COL4A6: variants seen among roughly 807,000 people sequenced by gnomAD.
The protein encoded by COL4A6 is collagen alpha-6(IV) chain.
Under a neutral mutation model 126.7 loss-of-function variants are expected in COL4A6, and 59 were observed. That is an observed-to-expected ratio of 0.47 (90% confidence interval 0.38 to 0.58). The LOEUF (loss-of-function observed/expected upper bound fraction) is 0.58, where lower values mean the gene tolerates loss of function less well. Ranked by LOEUF, COL4A6 falls within the 20% of genes least tolerant of loss-of-function variation. The pLI is 0.00. For synonymous variants in COL4A6, 547 were observed against 496.6 expected (o/e 1.10, Z -1.35); for missense variants, 1,285 against 1,337.3 (o/e 0.96, Z 0.61).
chrX:108,366,239 C>T (rs2040195836), intron 2 of COL4A6, among the ~76,000 whole-genome samples: 1 of 111,603 alleles, frequency 9.0e-6, no homozygotes, highest in East Asian at 2.8e-4. Flanking sequence ...CCCCATTTTA[C>T]ACGATGAGGA....
intron 3 of COL4A6, among the ~76,000 whole-genome samples, chrX:108,298,630 A>G (rs1305171600): frequency 9.1e-6 from 1 of 110,350 alleles, no homozygotes; most frequent in African/African-American, 3.3e-5. Flanking sequence ...CCAGGGCGGG[A>G]TCAGGTTCCC....
At chrX:108,354,722 T>A (rs756408582) in intron 2 of COL4A6, among the ~76,000 whole-genome samples, 1 of 108,844 alleles carries the variant, frequency 9.2e-6, no homozygotes, top group East Asian at 2.9e-4. Context: ...CTGAACAGAG[T>A]TCTGAGATTA....
intron 2 of COL4A6, among the ~76,000 whole-genome samples, chrX:108,384,233 A>C (rs2040634350): frequency 9.0e-6 from 1 of 111,281 alleles, no homozygotes; most frequent in Admixed American, 9.6e-5. Context: ...CTATCTCCTC[A>C]TTCTTCTGGC....
chrX:108,433,664 T>C (rs2147406849), intron 2 of COL4A6, among the ~76,000 whole-genome samples: 1 of 110,780 alleles, frequency 9.0e-6, no homozygotes, highest in African/African-American at 3.3e-5. Flanking sequence ...GATAGGACTA[T>C]AGGCGTGCAC....
At position 108,160,527 on chromosome X, in the gene COL4A6, C is replaced by G; in HGVS notation, c.4461G>C (p.Gln1487His). ...QVPPCPIGMS[Q>H]LWVGYSLLFV... ...ACAGTAAGCTGTACCCCACCCACAGCTGGCTCATCCCGATGGGACACGGGG... is the reference window on the plus strand; with the variant it reads ...ACAGTAAGCTGTACCCCACCCACAGGTGGCTCATCCCGATGGGACACGGGG... The change falls in exon 43 of 45, where the codon CAG (glutamine) becomes CAC (histidine). Residue 1487 changes from glutamine (Q) to histidine (H), a missense_variant. Transcript: ENST00000334504. 2 of 1,211,263 alleles carry G rather than the reference C, an allele frequency of 1.7e-6. No homozygotes were observed. The highest frequency in any genetic ancestry group is 2.2e-6 in the Non-Finnish European group (2 of 895,237).
intron 3 of COL4A6, among the ~76,000 whole-genome samples, chrX:108,241,750 C>T (rs937063069): frequency 3.7e-5 from 4 of 107,777 alleles, no homozygotes; most frequent in African/African-American, 1.3e-4. Context: ...TCCTTTCTAC[C>T]TCCTTTCCAA....
At chrX:108,219,565 C>T (rs761158479) in intron 5 of COL4A6, 133 bp downstream of exon 5, 10 of 597,673 alleles carry the variant, frequency 1.7e-5, no homozygotes, top group African/African-American at 9.0e-5. Flanking sequence ...CCCTTTAAAC[C>T]TCACCATACA....
At position 108,355,960 on chromosome X, in the gene COL4A6, A is replaced by C. The variant is rs373181273; in HGVS notation, c.64-45132T>G. ...GAGGAAACTAAGCCAAAGAGAAGCTAAAAAACACCTAAGATTGACAGCTAG... is the reference window on the plus strand; with the variant it reads ...GAGGAAACTAAGCCAAAGAGAAGCTCAAAAACACCTAAGATTGACAGCTAG... On this transcript the variant is annotated intron_variant, in intron 2 of 44. Coordinates refer to ENST00000334504, the MANE Select transcript of COL4A6 (RefSeq NM_033641.4). Among the ~76,000 whole-genome samples the C allele has an allele frequency of 9.7e-4, 108 of 111,424 alleles. 4 individuals carry two copies. In the East Asian group the frequency reaches 0.029, roughly 30 times the overall value.
intron 2 of COL4A6, among the ~76,000 whole-genome samples, chrX:108,412,890 T>C (rs1296852705): frequency 2.7e-5 from 3 of 112,295 alleles, no homozygotes; most frequent in Non-Finnish European, 5.6e-5. Context: ...TGGAGTCCCA[T>C]GTAATTGATT....
chrX:108,354,868 T>C (rs55907341), intron 2 of COL4A6, among the ~76,000 whole-genome samples: 17,782 of 110,296 alleles, frequency 0.16, 1,610 homozygotes, highest in Non-Finnish European at 0.26. Flanking sequence ...CAATCTCTTA[T>C]TAGGTGATTG....
chrX:108,393,264 A>T (rs1187790134), intron 2 of COL4A6, among the ~76,000 whole-genome samples: 1 of 112,530 alleles, frequency 8.9e-6, no homozygotes, highest in African/African-American at 3.2e-5. Context: ...GATAAACAAA[A>T]TGTGGTATAT....
intron 3 of COL4A6, among the ~76,000 whole-genome samples, chrX:108,263,744 T>G (rs763030320): frequency 8.9e-6 from 1 of 111,964 alleles, no homozygotes; most frequent in Non-Finnish European, 1.9e-5. Flanking sequence ...TAATTTAATT[T>G]AATTAGTTTG....
chrX:108,176,794 G>A (rs943292947), intron 28 of COL4A6, 47 bp downstream of exon 28: 1 of 1,142,046 alleles, frequency 8.8e-7, no homozygotes, highest in Admixed American at 2.6e-5. Flanking sequence ...CAGCTGAAAT[G>A]CTCCTTTTTG....
intron 2 of COL4A6, among the ~76,000 whole-genome samples, chrX:108,413,459 T>G (rs1353555183): frequency 9.0e-6 from 1 of 110,661 alleles, no homozygotes; most frequent in African/African-American, 3.3e-5. Context: ...TTTCTTTTCT[T>G]TATTATTATT....
chrX:108,373,239 A>G (rs2040366003), intron 2 of COL4A6, among the ~76,000 whole-genome samples: 1 of 111,184 alleles, frequency 9.0e-6, no homozygotes, highest in South Asian at 3.8e-4. Context: ...CCGATTCTTC[A>G]CACAAAGGGA....
intron 2 of COL4A6, among the ~76,000 whole-genome samples, chrX:108,371,587 A>C (rs956834301): frequency 8.0e-4 from 87 of 108,178 alleles, no homozygotes; most frequent in African/African-American, 1.4e-3. Context: ...AAAAAAAAAA[A>C]AAAAAAAAAC....
intron 3 of COL4A6, among the ~76,000 whole-genome samples, chrX:108,289,979 G>A (rs1165042677): frequency 9.0e-6 from 1 of 111,521 alleles, no homozygotes; most frequent in African/African-American, 3.3e-5. Flanking sequence ...ACTAATCAGT[G>A]TCCCCCTCTC....
At chrX:108,201,805 G>A (rs757897209) in intron 13 of COL4A6, among the ~76,000 whole-genome samples, 32 of 111,318 alleles carry the variant, frequency 2.9e-4, no homozygotes, top group Non-Finnish European at 5.8e-4. Context: ...TACCCTCTGT[G>A]TTTGCTCTTC....
At position 108,419,854 on chromosome X, in the gene COL4A6, A is replaced by C. The variant is rs757730178; in HGVS notation, c.63+18088T>G. Among the ~76,000 whole-genome samples the C allele has an allele frequency of 2.7e-5, 3 of 112,283 alleles. No homozygotes were observed. The South Asian group carries it at 1.1e-3, about 42-fold the overall frequency. On this transcript the variant is annotated intron_variant, in intron 2 of 44. Coordinates refer to ENST00000334504, the MANE Select transcript of COL4A6 (RefSeq NM_033641.4). ...ATCGCTACAGCATACAACTGCGAGA[A>C]CACCAAAGGGGTAGAAAAAATTCAA...
Sources: allele counts gnomAD v4.1 joint callset (sites outside exome capture counted in the v4.1 genomes callset), GRCh38; gene constraint gnomAD v4.1.1; transcripts MANE v1.5; gene names NCBI Gene and HGNC (gene_info 2026-07-23, HGNC 2026-07-21).